The following FAM234A variants were observed in gnomAD, a reference collection of about 807,000 sequenced individuals.
FAM234A encodes protein FAM234A.
Under a neutral mutation model 49.1 loss-of-function variants are expected in FAM234A, and 42 were observed. The ratio of observed to expected loss-of-function variants is 0.86; its 90% CI spans 0.67 to 1.11. The LOEUF (loss-of-function observed/expected upper bound fraction) is 1.11, where lower values mean the gene tolerates loss of function less well. Among genes scored for constraint, FAM234A ranks in the 50% least tolerant of loss-of-function variants. The pLI, the probability that FAM234A is intolerant of heterozygous loss-of-function variation, is 0.00. For synonymous variants in FAM234A, 369 were observed against 316.2 expected, an observed-to-expected ratio of 1.17 and a Z score of -1.77; for missense variants, 815 against 745.2, an observed-to-expected ratio of 1.09 and a Z score of -1.09.
At chr16:247,495 C>A (rs903900850) in intron 1 of FAM234A, among the ~76,000 whole-genome samples, 2 of 151,670 alleles carry the variant, frequency 1.3e-5, no homozygotes, top group Non-Finnish European at 2.9e-5. Flanking sequence ...TGCGATGGCT[C>A]AATCTCGGCT....
intron 3 of FAM234A, among the ~76,000 whole-genome samples, chr16:257,699 C>T (rs2051290937): frequency 6.6e-6 from 1 of 151,898 alleles, no homozygotes; most frequent in African/African-American, 2.4e-5. Context: ...AAAGATTCAA[C>T]TTCATGCTGG....
At position 266,038 on chromosome 16, in the gene FAM234A, C is replaced by T; in HGVS notation, c.*1016C>T. 2.0e-6 allele frequency: 2 copies of T among 986,054 alleles called. No homozygotes were observed. Among genetic ancestry groups the T allele is most frequent in the Non-Finnish European group, 2.4e-6 (2 of 830,100 alleles). The allele number at this position is 986,054 out of a possible 1,614,324, so 61.1% of individuals were successfully genotyped here. A position where few individuals can be genotyped will look rare whatever the true frequency, so the allele number is the denominator to read the frequency against. On this transcript the variant is annotated 3_prime_UTR_variant, in exon 13 of 13. Transcript: ENST00000399932. ...GCCTGAGCTTCGTAGCCAAAGCAGC[C>T]TGATGACCCACCCACCAAGGAAGAA... is the stretch of plus-strand genomic sequence containing the variant.
At position 264,864 on chromosome 16, in the gene FAM234A, GCAGACT is replaced by G; in HGVS notation, c.1506_1511del (p.Asp502_Ser503del). ...CGCCTACATCCTTCTGACAGGCCCG[GCAGACT>G]CAGAGGCACCCGGCCTGGTCTCTGT... is the stretch of plus-strand genomic sequence containing the variant. On this transcript the variant is annotated inframe_deletion, in exon 13 of 13. Transcript: ENST00000399932. 6.2e-7 allele frequency: 1 copy of G among 1,612,200 alleles called. No homozygotes were observed. Among genetic ancestry groups the G allele is most frequent in the Non-Finnish European group, 8.5e-7 (1 of 1,179,938 alleles).
At chr16:269,131 G>T, downstream of FAM234A, 1 of 902,982 alleles carries the variant, frequency 1.1e-6, no homozygotes, top group African/African-American at 1.6e-5. Flanking sequence ...CCCCACAGAA[G>T]ACTGGGCCCC....
At position 241,296 on chromosome 16, in the gene FAM234A, T is replaced by G. The variant is rs1250852450; in HGVS notation, c.-140+6439T>G. On this transcript the variant is annotated intron_variant, in intron 1 of 12. Transcript: ENST00000399932. The stretch of plus-strand genomic sequence containing the variant: ...GAAAGAAAAAAAAAAAGCTGTCTGC[T>G]TCAGGCTGGGCACGGTGGTTCACAC... Among the ~76,000 whole-genome samples the G allele has an allele frequency of 2.7e-5, 4 of 150,900 alleles. No homozygotes were observed. The Admixed American group carries it at 2.7e-4, about 10-fold the overall frequency.
intron 1 of FAM234A, among the ~76,000 whole-genome samples, chr16:242,572 G>A (rs923289694): frequency 2.7e-5 from 4 of 149,488 alleles, no homozygotes; most frequent in African/African-American, 9.9e-5. Flanking sequence ...GAGGTATTGT[G>A]TTTATCTTTC....
downstream of FAM234A, chr16:266,157 T>A: frequency 1.1e-6 from 1 of 908,148 alleles, no homozygotes; most frequent in Non-Finnish European, 1.3e-6. Context: ...GCTCCCTAAG[T>A]AGTCAAATGG....
intron 1 of FAM234A, among the ~76,000 whole-genome samples, chr16:245,118 A>T (rs112374228): frequency 6.6e-6 from 1 of 151,920 alleles, no homozygotes; most frequent in East Asian, 1.9e-4. Flanking sequence ...AGGCTGAGGC[A>T]GGCAGATCAC....
chr16:265,453 C>G lies in FAM234A; in HGVS notation c.*431C>G. On this transcript the variant is annotated 3_prime_UTR_variant, in exon 13 of 13. Coordinates refer to ENST00000399932, the MANE Select transcript of FAM234A (RefSeq NM_032039.4). The stretch of plus-strand genomic sequence containing the variant: ...GGTGTCCCCGGGACAGGCCGTCCCC[C>G]ACCCCATCCTGTAGAAGTCCATTCC... 2.0e-6 allele frequency: 2 copies of G among 1,000,374 alleles called. No homozygotes were observed. Among genetic ancestry groups the G allele is most frequent in the Non-Finnish European group, 2.4e-6 (2 of 840,020 alleles). 62.0% of individuals were successfully genotyped at this position (1,000,374 alleles called of 1,614,324 possible). A position where few individuals can be genotyped will look rare whatever the true frequency, so the allele number is the denominator to read the frequency against.
intron 1 of FAM234A, among the ~76,000 whole-genome samples, chr16:241,609 C>T (rs2142235315): frequency 6.6e-6 from 1 of 151,042 alleles, no homozygotes; most frequent in South Asian, 2.1e-4. Context: ...AAGTTTTCAT[C>T]AAATTTCTGC....
rs573679762 is a variant in FAM234A, at chr16:261,099, G to A, written c.578-285G>A. On this transcript the variant is annotated intron_variant, in intron 5 of 12. Coordinates refer to ENST00000399932, the MANE Select transcript of FAM234A (RefSeq NM_032039.4). ...ACGCAGATAGGAGAAAAGGAAGGGG[G>A]AACTCTGCGGTTCCCAGGAATGAGG... 1.5e-5 allele frequency: 5 copies of A among 329,866 alleles called. No individual in the cohort carries two copies. The East Asian group carries it at 2.0e-4, about 13-fold the overall frequency. 20.4% of individuals were successfully genotyped at this position (329,866 alleles called of 1,614,324 possible).
chr16:236,377 C>A (rs1015701381), intron 1 of FAM234A, among the ~76,000 whole-genome samples: 6 of 152,168 alleles, frequency 3.9e-5, no homozygotes, highest in South Asian at 2.1e-4. Context: ...GTAATCCCAG[C>A]ACTTTGGGAG....
chr16:244,642 A>G (rs2050739665), intron 1 of FAM234A, among the ~76,000 whole-genome samples: 1 of 149,716 alleles, frequency 6.7e-6, no homozygotes, highest in Non-Finnish European at 1.5e-5. Flanking sequence ...AAAATAGCAC[A>G]GGGCTGGACC....
intron 1 of FAM234A, among the ~76,000 whole-genome samples, chr16:236,019 G>C (rs947978315): frequency 6.6e-6 from 1 of 151,958 alleles, no homozygotes; most frequent in Non-Finnish European, 1.5e-5. Context: ...TGCGTATGGT[G>C]GCAGGTGCCG....
At chr16:245,045 A>G (rs747034395) in intron 1 of FAM234A, among the ~76,000 whole-genome samples, 3 of 151,962 alleles carry the variant, frequency 2.0e-5, no homozygotes, top group Admixed American at 6.6e-5. Flanking sequence ...CTGTTATCGT[A>G]TATTCTCACC....
chr16:241,997 T>G (rs1447632163), intron 1 of FAM234A, among the ~76,000 whole-genome samples: 1 of 152,142 alleles, frequency 6.6e-6, no homozygotes, highest in Non-Finnish European at 1.5e-5. Context: ...GAAAGAACTC[T>G]TGGAGAAAAG....
Position 264,138 on chromosome 16 carries a change from G to C in FAM234A, c.1311G>C (p.Trp437Cys). 1 of 1,607,824 alleles carries C rather than the reference G, an allele frequency of 6.2e-7. No individual in the cohort carries two copies. Residue 437 changes from tryptophan to cysteine, a missense_variant, in exon 11 of 13, where the codon TGG becomes TGC. Trp to Cys is a radical substitution (Grantham distance 215, BLOSUM62 -2). Transcript: ENST00000399932. ...TADHRSAFFF[W>C]GLHELGSTSE... is the part of the protein sequence containing the mutation. Reference sequence around the variant, plus strand: ...ACCACCGCTCAGCCTTCTTCTTCTGGGGCCTCCACGAGCTGGGGAGCACCA... The same window carrying C: ...ACCACCGCTCAGCCTTCTTCTTCTGCGGCCTCCACGAGCTGGGGAGCACCA...
intron 6 of FAM234A, among the ~76,000 whole-genome samples, chr16:261,854 A>G (rs2239739): frequency 0.31 from 46,582 of 152,162 alleles, 9,194 homozygotes; most frequent in African/African-American, 0.55. Flanking sequence ...TGGAGGCACC[A>G]ACCATCGTGG....
intron 1 of FAM234A, among the ~76,000 whole-genome samples, chr16:241,152 C>G (rs1192635457): frequency 6.6e-6 from 1 of 152,006 alleles, no homozygotes; most frequent in Non-Finnish European, 1.5e-5. Flanking sequence ...AACTCCTGCG[C>G]TCGAGTGATC....
Sources: allele counts gnomAD v4.1 joint callset (sites outside exome capture counted in the v4.1 genomes callset), GRCh38; gene constraint gnomAD v4.1.1; transcripts MANE v1.5; gene names NCBI Gene and HGNC (gene_info 2026-07-23, HGNC 2026-07-21).